The following KCNIP4 variants were observed in gnomAD, a reference collection of about 807,000 sequenced individuals.
The protein encoded by KCNIP4 is Kv channel-interacting protein 4.
In KCNIP4, 12 loss-of-function variants were observed where a neutral mutation model predicts 34.0. The ratio of observed to expected loss-of-function variants is 0.35; its 90% CI spans 0.23 to 0.57. The LOEUF is 0.57. KCNIP4 is among the 20% of genes least tolerant of loss of function. The pLI is 0.83. For synonymous variants in KCNIP4, 124 were observed against 102.2 expected (o/e 1.21, Z -1.29); for missense variants, 238 against 311.7 (o/e 0.76, Z 1.78).
chr4:21,070,153 T>C (rs930034521), intron 1 of KCNIP4, among the ~76,000 whole-genome samples: 2 of 152,168 alleles, frequency 1.3e-5, no homozygotes, highest in Admixed American at 6.5e-5. Flanking sequence ...ATCCTAGCTG[T>C]TGTGTGTATC....
intron 1 of KCNIP4, among the ~76,000 whole-genome samples, chr4:20,898,594 A>C (rs1726814510): frequency 6.6e-6 from 1 of 152,166 alleles, no homozygotes; most frequent in African/African-American, 2.4e-5. Context: ...GCCTCTCTCC[A>C]CCAGATAGTA....
chr4:21,681,653 A>G (rs1320479029), intron 1 of KCNIP4, among the ~76,000 whole-genome samples: 1 of 152,168 alleles, frequency 6.6e-6, no homozygotes, highest in East Asian at 1.9e-4. Flanking sequence ...CCTGTATTAG[A>G]CCATTCTTGC....
At chr4:20,757,316 C>G (rs1301143929) in intron 4 of KCNIP4, among the ~76,000 whole-genome samples, 3 of 152,132 alleles carry the variant, frequency 2.0e-5, no homozygotes, top group Non-Finnish European at 4.4e-5. Flanking sequence ...CAGCAGTAAT[C>G]TTCTAATTAG....
intron 1 of KCNIP4, among the ~76,000 whole-genome samples, chr4:20,993,235 C>G (rs1737248618): frequency 6.6e-6 from 1 of 151,660 alleles, no homozygotes; most frequent in Non-Finnish European, 1.5e-5. Flanking sequence ...ATGAAGATGT[C>G]TATATAATAG....
intron 3 of KCNIP4, among the ~76,000 whole-genome samples, chr4:20,806,540 T>C (rs1197810572): frequency 6.6e-6 from 1 of 152,006 alleles, no homozygotes; most frequent in Non-Finnish European, 1.5e-5. Context: ...TATTATTATA[T>C]AGATCCTGTT....
At chr4:20,980,627 C>T (rs76999326) in intron 1 of KCNIP4, among the ~76,000 whole-genome samples, 3,825 of 152,200 alleles carry the variant, frequency 0.025, 155 homozygotes, top group African/African-American at 0.086. Flanking sequence ...TATGGGCCCT[C>T]TCATTCAAAT....
At chr4:21,509,744 C>T (rs966608207) in intron 1 of KCNIP4, among the ~76,000 whole-genome samples, 4 of 152,156 alleles carry the variant, frequency 2.6e-5, no homozygotes, top group Non-Finnish European at 5.9e-5. Flanking sequence ...AAACTAGACT[C>T]ACCTGATCTT....
chr4:20,972,471 C>T (rs1421445390), intron 1 of KCNIP4, among the ~76,000 whole-genome samples: 2 of 152,120 alleles, frequency 1.3e-5, no homozygotes, highest in Non-Finnish European at 2.9e-5. Flanking sequence ...ATTAGAACTC[C>T]TGGACAAGCA....
At chr4:21,095,107 CAAG>C (rs1267652746) in intron 1 of KCNIP4, among the ~76,000 whole-genome samples, 3 of 152,054 alleles carry the variant, frequency 2.0e-5, no homozygotes, top group Non-Finnish European at 4.4e-5. Flanking sequence ...ATATGGATAA[CAAG>C]GAGAACAGTA....
chr4:21,944,648 T>C (rs1730402519), intron 1 of KCNIP4, among the ~76,000 whole-genome samples: 1 of 150,992 alleles, frequency 6.6e-6, no homozygotes, highest in African/African-American at 2.4e-5. Flanking sequence ...ATTCATTCAA[T>C]ATCTGTTGTT....
chr4:21,400,532 T>TC (rs1190831720), intron 1 of KCNIP4, among the ~76,000 whole-genome samples: 773 of 57,068 alleles, frequency 0.014, 29 homozygotes, highest in African/African-American at 0.05. Context: ...TCTCTTCTCT[T>TC]CTCTTCTCTT....
At chr4:21,610,980 CCT>C in intron 1 of KCNIP4, among the ~76,000 whole-genome samples, 1 of 152,226 alleles carries the variant, frequency 6.6e-6, no homozygotes, top group Non-Finnish European at 1.5e-5. Flanking sequence ...ACCCCCACCC[CCT>C]GACAGGCCCC....
chr4:20,760,883 A>T (rs1754904804), intron 3 of KCNIP4, among the ~76,000 whole-genome samples: 1 of 152,190 alleles, frequency 6.6e-6, no homozygotes, highest in Non-Finnish European at 1.5e-5. Flanking sequence ...GGTTGATTTT[A>T]TGTGTTTAAC....
intron 1 of KCNIP4, among the ~76,000 whole-genome samples, chr4:21,460,646 G>A (rs1729383882): frequency 6.6e-6 from 1 of 152,124 alleles, no homozygotes; most frequent in South Asian, 2.1e-4. Flanking sequence ...ATCCCATTAT[G>A]GGAGTCCCAA....
intron 1 of KCNIP4, among the ~76,000 whole-genome samples, chr4:20,907,053 C>T (rs1027383797): frequency 1.3e-5 from 2 of 152,140 alleles, no homozygotes; most frequent in African/African-American, 4.8e-5. Context: ...ACATATTTGG[C>T]TTAATGAGAG....
At chr4:21,314,056 T>C (rs1713468642) in intron 1 of KCNIP4, among the ~76,000 whole-genome samples, 1 of 152,210 alleles carries the variant, frequency 6.6e-6, no homozygotes, top group Admixed American at 6.5e-5. Flanking sequence ...GTTGAAAGGA[T>C]TCACTTCCTT....
intron 1 of KCNIP4, among the ~76,000 whole-genome samples, chr4:21,502,435 A>G (rs1034966094): frequency 6.6e-6 from 1 of 150,538 alleles, no homozygotes; most frequent in Admixed American, 6.6e-5. Flanking sequence ...GAGATGTCAA[A>G]CAATCTTTGC....
At chr4:21,006,677 G>A (rs6830976) in intron 1 of KCNIP4, among the ~76,000 whole-genome samples, 3,567 of 152,284 alleles carry the variant, frequency 0.023, 146 homozygotes, top group African/African-American at 0.081. Flanking sequence ...AAGTAAAGAT[G>A]GGAGTTAAGT....
chr4:21,527,615 T>G (rs1736081057), intron 1 of KCNIP4, among the ~76,000 whole-genome samples: 1 of 152,174 alleles, frequency 6.6e-6, no homozygotes, highest in Admixed American at 6.5e-5. Context: ...ATATAATAGG[T>G]GTTCAAAAAT....
Sources: allele counts gnomAD v4.1 joint callset (sites outside exome capture counted in the v4.1 genomes callset), GRCh38; gene constraint gnomAD v4.1.1; transcripts MANE v1.5; gene names NCBI Gene and HGNC (gene_info 2026-07-23, HGNC 2026-07-21).